Variants in GIT2 observed in about 807,000 individuals in gnomAD.
GIT2 encodes the protein GIT ArfGAP 2.
In GIT2, 32 loss-of-function variants were observed where a neutral mutation model predicts 100.3. The observed-to-expected ratio is 0.32, with a 90% CI of 0.24 to 0.43. The LOEUF is 0.43. Ranked by LOEUF, GIT2 falls within the 20% of genes least tolerant of loss-of-function variation. The probability of loss-of-function intolerance (pLI) is 1.00; values close to 1 mark genes in which losing one functional copy is unlikely to be tolerated. For missense variants in GIT2, 737 were observed against 975.1 expected, an observed-to-expected ratio of 0.76 and a Z score of 3.25; for synonymous variants, 353 against 364.1, an observed-to-expected ratio of 0.97 and a Z score of 0.35.
chr12:109,999,639 G>C, upstream of GIT2: 1 of 1,451,718 alleles, frequency 6.9e-7, no homozygotes, highest in Non-Finnish European at 9.2e-7. This position sits in a 1 kb window ranked among gnomAD's most constrained non-coding sequence, Gnocchi z 4.3. Flanking sequence ...GACCCCGCCG[G>C]GGCCGAGACT....
upstream of GIT2, chr12:109,999,899 C>T: frequency 1.1e-6 from 1 of 947,452 alleles, no homozygotes; most frequent in Non-Finnish European, 1.5e-6. The surrounding 1 kb of genome is among the most constrained non-coding windows in gnomAD (Gnocchi z 4.3). Context: ...AGACCCCTTC[C>T]ACTTTGCAGG....
chr12:109,978,990 G>A (rs1352362681), intron 7 of GIT2, among the ~76,000 whole-genome samples: 2 of 151,994 alleles, frequency 1.3e-5, no homozygotes, highest in Non-Finnish European at 2.9e-5. Flanking sequence ...TCATATTTTT[G>A]TCTTAGCAGG....
At chr12:109,968,572 C>T (rs1392519736) in intron 7 of GIT2, among the ~76,000 whole-genome samples, 1 of 151,904 alleles carries the variant, frequency 6.6e-6, no homozygotes, top group Non-Finnish European at 1.5e-5. Context: ...TACAGGCATG[C>T]GCCACCACGC....
chr12:109,991,494 G>C, intron 2 of GIT2, 133 bp downstream of exon 2: 2 of 677,824 alleles, frequency 3.0e-6, no homozygotes, highest in Non-Finnish European at 5.2e-6. Context: ...AGCATTGATG[G>C]GCATGCCATC....
rs1374239322 is a variant in GIT2 at position 109,948,586 on chromosome 12, T to C, written c.1393-1082A>G. The stretch of plus-strand genomic sequence containing the variant: ...CCTTCTGGTGCGCCTTCATCTTCCA[T>C]GGACATTCTATAAGCTGGGTGTGGT... On this transcript the variant is annotated intron_variant, in intron 14 of 19. Transcript: ENST00000355312. This position sits in a 1 kb window ranked among gnomAD's most constrained non-coding sequence, Gnocchi z 4.3. 2 of 1,402,440 alleles carry C rather than the reference T, an allele frequency of 1.4e-6. No individual in the cohort carries two copies. The highest frequency in any genetic ancestry group is 9.2e-7 in the Non-Finnish European group (1 of 1,085,630). The allele number at this position is 1,402,440 out of a possible 1,614,324, so 86.9% of individuals were successfully genotyped here. A position where few individuals can be genotyped will look rare whatever the true frequency, so the allele number is the denominator to read the frequency against.
intron 16 of GIT2, 112 bp from the exon 17 acceptor site, chr12:109,939,359 T>A (rs1873941047): frequency 1.4e-6 from 1 of 698,292 alleles, no homozygotes; most frequent in South Asian, 1.5e-5. Context: ...CCAAATCTCA[T>A]TTGGGACAGG....
Position 109,980,970 on chromosome 12 carries a change from G to C in GIT2, c.700C>G (p.Leu234Val). 1 of 1,607,572 alleles carries C rather than the reference G, an allele frequency of 6.2e-7. No homozygotes were observed. Among genetic ancestry groups the C allele is most frequent in the Non-Finnish European group, 8.5e-7 (1 of 1,173,964 alleles). ...CACTCACCTGGTTTCCTGCCACAGA[G>C]ATAGAAGGCTAGTCTGTCCGTTAGC... Reference protein sequence around the residue: ...YELTDRLAFYLCGRKPDHKNG... With the variant: ...YELTDRLAFYVCGRKPDHKNG... Residue 234 changes from leucine (L) to valine (V), a missense_variant, in exon 7 of 20, where the codon CTC (leucine) becomes GTC (valine). Physicochemically the swap from Leu to Val is conservative, Grantham distance 32 (BLOSUM62 1). This residue lies in a region of GIT2 where 266 missense variants were observed against 376.2 expected (regional missense o/e 0.71). Transcript: ENST00000355312.
intron 13 of GIT2, among the ~76,000 whole-genome samples, chr12:109,951,593 C>G (rs954622036): frequency 2.6e-5 from 4 of 152,198 alleles, no homozygotes; most frequent in Non-Finnish European, 5.9e-5. Context: ...GTCTTGTAAG[C>G]CTTTCTCTCG....
upstream of GIT2, chr12:109,996,400 G>A (rs1030398785): frequency 1.9e-6 from 1 of 540,274 alleles, no homozygotes; most frequent in Non-Finnish European, 3.3e-6. Flanking sequence ...GCCCTTCGGC[G>A]AGTGTCAGGT....
intron 4 of GIT2, 155 bp from the exon 5 acceptor site, chr12:109,983,849 G>A: frequency 1.7e-6 from 1 of 584,860 alleles, no homozygotes; most frequent in East Asian, 2.9e-5. Flanking sequence ...TCCTTTGCCA[G>A]TCACAACTGT....
intron 7 of GIT2, among the ~76,000 whole-genome samples, chr12:109,976,164 C>G (rs527723688): frequency 6.6e-6 from 1 of 151,958 alleles, no homozygotes; most frequent in South Asian, 2.1e-4. Flanking sequence ...CTTAGAAATC[C>G]TATTTTACAT....
chr12:109,996,406 C>T, upstream of GIT2: 1 of 536,422 alleles, frequency 1.9e-6, no homozygotes, highest in Non-Finnish European at 3.3e-6. Context: ...CGGCGAGTGT[C>T]AGGTCATGTG....
chr12:109,980,496 AT>A (rs1171735813), intron 7 of GIT2, among the ~76,000 whole-genome samples: 2 of 152,206 alleles, frequency 1.3e-5, no homozygotes, highest in Non-Finnish European at 2.9e-5. Context: ...AACTGGCTAG[AT>A]TTGGGCTACA....
upstream of GIT2, chr12:109,999,118 T>C (rs1889799134): frequency 6.6e-6 from 1 of 152,222 alleles, no homozygotes; most frequent in Non-Finnish European, 1.5e-5. The surrounding 1 kb of genome is among the most constrained non-coding windows in gnomAD (Gnocchi z 4.3). Flanking sequence ...AATGGTTTGG[T>C]CCGGGGCTCA....
At chr12:109,989,142 G>T in intron 3 of GIT2, 74 bp from the exon 4 acceptor site, 1 of 925,534 alleles carries the variant, frequency 1.1e-6, no homozygotes, top group Non-Finnish European at 1.8e-6. Flanking sequence ...ACTGTAAAAA[G>T]AAGAGGAAGT....
upstream of GIT2, among the ~76,000 whole-genome samples, chr12:110,000,127 G>A (rs1182940603): frequency 6.6e-6 from 1 of 152,182 alleles, no homozygotes; most frequent in South Asian, 2.1e-4. Context: ...GGGCCGGCTG[G>A]CTCCGGAATG....
At position 109,932,620 on chromosome 12, in the gene GIT2, T is replaced by C. The variant is rs1871839872; in HGVS notation, c.*358A>G. The stretch of plus-strand genomic sequence containing the variant: ...TGAACTCTCTCAAGAAAATGTTTTA[T>C]GAAAAATTTCATTTATAGTTTCAGC... On this transcript the variant is annotated 3_prime_UTR_variant, in exon 20 of 20. Coordinates refer to ENST00000355312, the MANE Select transcript of GIT2 (RefSeq NM_057169.5). 1 of 178,044 alleles carries C rather than the reference T, an allele frequency of 5.6e-6. No homozygotes were observed. Among genetic ancestry groups the C allele is most frequent in the South Asian group, 1.3e-4 (1 of 7,930 alleles). The allele number at this position is 178,044 out of a possible 1,614,324, so 11.0% of individuals were successfully genotyped here. A position where few individuals can be genotyped will look rare whatever the true frequency, so the allele number is the denominator to read the frequency against.
At chr12:109,955,457 G>A (rs1016391006) in intron 12 of GIT2, among the ~76,000 whole-genome samples, 1 of 152,090 alleles carries the variant, frequency 6.6e-6, no homozygotes, top group Non-Finnish European at 1.5e-5. Context: ...AAGTTGCTGT[G>A]ACTTGGCCAA....
chr12:109,958,940 A>G (rs1880310640), intron 12 of GIT2, among the ~76,000 whole-genome samples: 1 of 152,210 alleles, frequency 6.6e-6, no homozygotes, highest in Admixed American at 6.5e-5. Context: ...TTATAATTGT[A>G]TATCACAGTA....
Sources: allele counts gnomAD v4.1 joint callset (sites outside exome capture counted in the v4.1 genomes callset), GRCh38; gene constraint gnomAD v4.1.1; regional missense constraint gnomAD v4.1.1; non-coding constraint Gnocchi (gnomAD v3.1); transcripts MANE v1.5; gene names NCBI Gene and HGNC (gene_info 2026-07-23, HGNC 2026-07-21).